Variants in TTC1 observed in about 807,000 individuals in gnomAD.
TTC1 encodes tetratricopeptide repeat protein 1.
TTC1 carries 31 observed loss-of-function variants against 37.6 expected under a neutral mutation model. The ratio of observed to expected loss-of-function variants is 0.82; its 90% CI spans 0.62 to 1.11. The LOEUF (loss-of-function observed/expected upper bound fraction) is 1.11. TTC1 is among the 50% of genes most tolerant of loss of function. The pLI is 0.00. For synonymous variants in TTC1, 127 were observed against 122.4 expected, an observed-to-expected ratio of 1.04 and a Z score of -0.25; for missense variants, 351 against 339.0, an observed-to-expected ratio of 1.04 and a Z score of -0.28.
intron 4 of TTC1, among the ~76,000 whole-genome samples, chr5:160,042,391 A>G (rs1049507792): frequency 9.2e-5 from 14 of 152,190 alleles, no homozygotes; most frequent in Non-Finnish European, 1.9e-4. Context: ...TTTCAGGAAA[A>G]TGGACATTTT....
At chr5:160,015,139 CT>C (rs766361480) in intron 2 of TTC1, among the ~76,000 whole-genome samples, 7 of 152,156 alleles carry the variant, frequency 4.6e-5, no homozygotes, top group Non-Finnish European at 7.3e-5. Flanking sequence ...AGGGTTGGAA[CT>C]TTTGGCACCA....
At chr5:160,036,872 C>T in intron 4 of TTC1, 69 bp downstream of exon 4, 2 of 1,117,196 alleles carry the variant, frequency 1.8e-6, no homozygotes, top group Non-Finnish European at 2.7e-6. Context: ...CATAGTTTCT[C>T]TCCAGAAACT....
chr5:160,022,711 A>G (rs1320297073), intron 2 of TTC1, among the ~76,000 whole-genome samples: 5 of 152,164 alleles, frequency 3.3e-5, no homozygotes, highest in Non-Finnish European at 7.4e-5. Context: ...GTAGCATACC[A>G]TTTCCATTTT....
At chr5:160,029,304 T>A (rs536066656) in intron 2 of TTC1, among the ~76,000 whole-genome samples, 16 of 152,118 alleles carry the variant, frequency 1.1e-4, no homozygotes, top group Admixed American at 2.0e-4. Context: ...GTGAACACAC[T>A]AACACCCAGA....
chr5:160,023,863 C>T, intron 2 of TTC1: 2 of 1,609,872 alleles, frequency 1.2e-6, no homozygotes. Context: ...TCTTTTTCTT[C>T]TCCTCCTTTC....
At chr5:160,034,616 C>G (rs1452255491) in intron 2 of TTC1, among the ~76,000 whole-genome samples, 2 of 152,102 alleles carry the variant, frequency 1.3e-5, no homozygotes, top group African/African-American at 2.4e-5. Flanking sequence ...CCCTTATTTG[C>G]TAGTCACTGT....
chr5:160,041,313 C>CTTTT (rs368094676), intron 4 of TTC1, among the ~76,000 whole-genome samples: 2 of 135,610 alleles, frequency 1.5e-5, no homozygotes, highest in Non-Finnish European at 3.2e-5. Flanking sequence ...TGCTTTCTTT[C>CTTTT]TTTTTTTTTT....
At chr5:160,049,487 TA>T in intron 5 of TTC1, 26 bp from the exon 6 acceptor site, 1 of 1,544,428 alleles carries the variant, frequency 6.5e-7, no homozygotes, top group South Asian at 1.3e-5. Context: ...TTCTTTGTGA[TA>T]AAAATTATTT....
At chr5:160,027,083 CA>C (rs1756819155) in intron 2 of TTC1, among the ~76,000 whole-genome samples, 1 of 150,468 alleles carries the variant, frequency 6.6e-6, no homozygotes, top group Non-Finnish European at 1.5e-5. Context: ...GGCTGGAGTA[CA>C]GGGGTGCAAT....
At chr5:160,023,769 C>T (rs1756755784) in intron 2 of TTC1, 1 of 1,613,088 alleles carries the variant, frequency 6.2e-7, no homozygotes, top group Non-Finnish European at 8.5e-7. Context: ...TTCTTTGCTG[C>T]CTTGCTGTCT....
chr5:160,015,544 A>G (rs1035483490), intron 2 of TTC1, among the ~76,000 whole-genome samples: 2 of 152,212 alleles, frequency 1.3e-5, no homozygotes, highest in African/African-American at 4.8e-5. Context: ...ATGAGCTTCC[A>G]GGTTGATGAG....
chr5:160,040,850 T>A (rs1219973857), intron 4 of TTC1, among the ~76,000 whole-genome samples: 1 of 152,004 alleles, frequency 6.6e-6, no homozygotes, highest in Non-Finnish European at 1.5e-5. Flanking sequence ...CCTCAAGTGG[T>A]CCTCCTGCTT....
In TTC1 at chr5:160,064,918, C is replaced by T; in HGVS notation, c.746-14C>T. The T allele has an allele frequency of 6.2e-7, 1 of 1,603,440 alleles. No individual in the cohort carries two copies. Among genetic ancestry groups the T allele is most frequent in the Non-Finnish European group, 8.5e-7 (1 of 1,177,408 alleles). On this transcript the variant is annotated splice_polypyrimidine_tract_variant and intron_variant, in intron 7 of 7. Transcript: ENST00000231238. ...ATTCCTGTATTCATTTGAGTTTTTG[C>T]TTTTACATTACAGGTAAATTAAAAG... is the stretch of plus-strand genomic sequence containing the variant.
At chr5:160,013,306 A>G (rs146457040) in intron 2 of TTC1, among the ~76,000 whole-genome samples, 1,764 of 152,286 alleles carry the variant, frequency 0.012, 23 homozygotes, top group African/African-American at 0.024. Context: ...AATGTCTTCT[A>G]CATATATGGT....
In TTC1 at chr5:160,020,172, G is replaced by A. The variant is rs190775502; in HGVS notation, c.330+9314G>A. Among the ~76,000 whole-genome samples, 343 of 152,128 alleles carry A rather than the reference G, an allele frequency of 2.3e-3. 2 individuals carry two copies. Among genetic ancestry groups the A allele is most frequent in the African/African-American group, 7.7e-3 (319 of 41,510 alleles). Reference sequence around the variant, plus strand: ...TCGAACTCCTGACCTCAAGTGATCCGCCCGCCCCAGCCTCCTTTTCTTTCA... The same window carrying A: ...TCGAACTCCTGACCTCAAGTGATCCACCCGCCCCAGCCTCCTTTTCTTTCA... On this transcript the variant is annotated intron_variant, in intron 2 of 7. Transcript: ENST00000231238.
At chr5:160,047,035 A>C (rs1757269657) in intron 5 of TTC1, among the ~76,000 whole-genome samples, 2 of 152,192 alleles carry the variant, frequency 1.3e-5, no homozygotes, top group African/African-American at 4.8e-5. Context: ...GGAGCAACAA[A>C]AATGCAATTA....
chr5:160,049,992 G>A (rs1757359103), intron 6 of TTC1, among the ~76,000 whole-genome samples: 1 of 152,146 alleles, frequency 6.6e-6, no homozygotes, highest in Non-Finnish European at 1.5e-5. Flanking sequence ...AGAATTGCTT[G>A]AACCCAGAAG....
chr5:160,051,127 A>C lies in TTC1; in HGVS notation c.691-2A>C. 3 of 1,597,572 alleles carry C rather than the reference A, an allele frequency of 1.9e-6. No individual in the cohort carries two copies. The highest frequency in any genetic ancestry group is 2.6e-6 in the Non-Finnish European group (3 of 1,172,760). On this transcript the variant is annotated splice_acceptor_variant, in intron 6 of 7. Coordinates refer to ENST00000231238, the MANE Select transcript of TTC1 (RefSeq NM_003314.3). LOFTEE classifies it high-confidence loss of function. Reference sequence around the variant, plus strand: ...AACCCTTGTTTCTCCTCTTTTCCTCAGAGATTACCTAAGCAAATTGAAGAA... The same window carrying C: ...AACCCTTGTTTCTCCTCTTTTCCTCCGAGATTACCTAAGCAAATTGAAGAA...
chr5:160,054,835 T>C (rs1483665607), intron 7 of TTC1, among the ~76,000 whole-genome samples: 1 of 152,142 alleles, frequency 6.6e-6, no homozygotes. Context: ...AATTTTACAG[T>C]AGTAAATTTT....
Sources: allele counts gnomAD v4.1 joint callset (sites outside exome capture counted in the v4.1 genomes callset), GRCh38; gene constraint gnomAD v4.1.1; transcripts MANE v1.5; gene names NCBI Gene and HGNC (gene_info 2026-07-23, HGNC 2026-07-21).